The following AK5 variants were observed in gnomAD, a reference collection of about 807,000 sequenced individuals.
AK5 encodes the protein adenylate kinase 5, also known as adenylate kinase isoenzyme 5.
A neutral mutation model predicts 69.5 loss-of-function variants in AK5; 27 were observed. The observed-to-expected ratio is 0.39, with a 90% CI of 0.29 to 0.54. AK5 has a LOEUF of 0.54. Ranked by LOEUF, AK5 falls within the 20% of genes least tolerant of loss-of-function variation. The probability of loss-of-function intolerance (pLI) is 0.71; values close to 1 mark genes in which losing one functional copy is unlikely to be tolerated. For synonymous variants in AK5, 260 were observed against 244.4 expected, an observed-to-expected ratio of 1.06 and a Z score of -0.60; for missense variants, 531 against 700.4, an observed-to-expected ratio of 0.76 and a Z score of 2.73.
intron 6 of AK5, among the ~76,000 whole-genome samples, chr1:77,355,868 TACACACACAC>T (rs66682700): frequency 0.039 from 5,762 of 146,226 alleles, 168 homozygotes; most frequent in South Asian, 0.053. Flanking sequence ...CCTCATTAAA[TACACACACAC>T]ACACACACAC....
intron 10 of AK5, among the ~76,000 whole-genome samples, chr1:77,509,189 G>T (rs981264933): frequency 3.9e-5 from 6 of 152,122 alleles, no homozygotes; most frequent in African/African-American, 1.4e-4. Context: ...ACTATACACG[G>T]GCACTGATAA....
At chr1:77,379,399 A>G (rs555834784) in intron 6 of AK5, among the ~76,000 whole-genome samples, 1 of 152,256 alleles carries the variant, frequency 6.6e-6, no homozygotes, top group African/African-American at 2.4e-5. Flanking sequence ...GTGACAGCAG[A>G]ATTATTTATC....
At chr1:77,466,245 C>G (rs1654134344) in intron 8 of AK5, among the ~76,000 whole-genome samples, 1 of 152,154 alleles carries the variant, frequency 6.6e-6, no homozygotes, top group East Asian at 1.9e-4. Flanking sequence ...ACCCATTCAC[C>G]CTTCCTTTTC....
At chr1:77,534,137 C>T (rs1402976628) in intron 12 of AK5, among the ~76,000 whole-genome samples, 4 of 152,122 alleles carry the variant, frequency 2.6e-5, no homozygotes, top group Non-Finnish European at 5.9e-5. Context: ...TCCGTGTTGC[C>T]TAAACATCCT....
chr1:77,468,230 C>G (rs1228746845), intron 8 of AK5, among the ~76,000 whole-genome samples: 1 of 152,230 alleles, frequency 6.6e-6, no homozygotes, highest in Non-Finnish European at 1.5e-5. Context: ...TTTCCCTGTA[C>G]TCTCTTTCCT....
At chr1:77,421,325 A>G (rs543846333) in intron 8 of AK5, among the ~76,000 whole-genome samples, 2 of 152,328 alleles carry the variant, frequency 1.3e-5, no homozygotes, top group South Asian at 2.1e-4. Context: ...TCAAGGTCAC[A>G]TGGTTGGCAA....
chr1:77,311,576 A>G (rs991359129), intron 5 of AK5, among the ~76,000 whole-genome samples: 1 of 152,126 alleles, frequency 6.6e-6, no homozygotes, highest in Non-Finnish European at 1.5e-5. Context: ...ACACTCAATA[A>G]AAGAAAGTCG....
chr1:77,367,877 A>ATTATATATTATATGTTATATATATT (rs369372295), intron 6 of AK5, among the ~76,000 whole-genome samples: 2 of 14,206 alleles, frequency 1.4e-4, no homozygotes, highest in Non-Finnish European at 2.6e-4. Flanking sequence ...TGTGATATAT[A>ATTATATATTATATGTTATATATATT]ATATAAAATA....
At chr1:77,476,819 CT>C (rs1654963831) in intron 8 of AK5, among the ~76,000 whole-genome samples, 2 of 151,842 alleles carry the variant, frequency 1.3e-5, no homozygotes, top group African/African-American at 4.8e-5. Flanking sequence ...ATTGCACATG[CT>C]GAAAACACTC....
At chr1:77,392,318 G>A (rs186131080) in intron 6 of AK5, among the ~76,000 whole-genome samples, 2 of 152,136 alleles carry the variant, frequency 1.3e-5, no homozygotes, top group African/African-American at 4.8e-5. Flanking sequence ...TACATTTGAG[G>A]CCTTTTTAAT....
intron 12 of AK5, among the ~76,000 whole-genome samples, chr1:77,522,456 C>G (rs1163162548): frequency 6.6e-6 from 1 of 152,108 alleles, no homozygotes; most frequent in Non-Finnish European, 1.5e-5. Flanking sequence ...GAGGAGGGAG[C>G]AAGGGCACCA....
intron 8 of AK5, among the ~76,000 whole-genome samples, chr1:77,439,184 T>C (rs948721867): frequency 6.6e-6 from 1 of 152,196 alleles, no homozygotes; most frequent in African/African-American, 2.4e-5. Flanking sequence ...TTTGGGAATG[T>C]ACATTGCCAT....
chr1:77,365,548 G>A (rs906978250), intron 6 of AK5, among the ~76,000 whole-genome samples: 6 of 152,224 alleles, frequency 3.9e-5, no homozygotes, highest in Non-Finnish European at 8.8e-5. Flanking sequence ...GGGGTTGGGG[G>A]ATTGTTTCAG....
At position 77,493,799 on chromosome 1, in the gene AK5, A is replaced by G. The variant is rs149843261; in HGVS notation, c.1147+7447A>G. Among the ~76,000 whole-genome samples, 15 of 152,322 alleles carry G rather than the reference A, an allele frequency of 9.8e-5. No individual in the cohort carries two copies. The East Asian group carries it at 2.5e-3, about 25-fold the overall frequency. On this transcript the variant is annotated intron_variant, in intron 10 of 13. Coordinates refer to ENST00000354567, the MANE Select transcript of AK5 (RefSeq NM_174858.3). ...GAGACATTGGACTACTTTCCAAGAGACCCTCAAATGCATTTACCAACTAAT... is the reference window on the plus strand; with the variant it reads ...GAGACATTGGACTACTTTCCAAGAGGCCCTCAAATGCATTTACCAACTAAT...
chr1:77,484,378 T>A (rs1243224180), intron 9 of AK5, among the ~76,000 whole-genome samples: 10 of 152,146 alleles, frequency 6.6e-5, no homozygotes, highest in Admixed American at 6.5e-4. Flanking sequence ...TCTAAACACA[T>A]ATAAGTAAGT....
At chr1:77,378,179 G>A (rs1647367889) in intron 6 of AK5, among the ~76,000 whole-genome samples, 1 of 152,104 alleles carries the variant, frequency 6.6e-6, no homozygotes, top group African/African-American at 2.4e-5. Flanking sequence ...TCCATGTAGG[G>A]TGTTATGAAA....
intron 8 of AK5, among the ~76,000 whole-genome samples, chr1:77,445,296 T>G (rs1418978897): frequency 1.3e-5 from 2 of 152,176 alleles, no homozygotes; most frequent in East Asian, 3.9e-4. Flanking sequence ...CCAACACTTG[T>G]TATGTTGTCT....
At chr1:77,426,888 G>C (rs1651244534) in intron 8 of AK5, among the ~76,000 whole-genome samples, 1 of 151,936 alleles carries the variant, frequency 6.6e-6, no homozygotes, top group African/African-American at 2.4e-5. Flanking sequence ...AATAACACTT[G>C]GGTCAAATAA....
chr1:77,505,608 T>C (rs1006880982), intron 10 of AK5, among the ~76,000 whole-genome samples: 1 of 152,144 alleles, frequency 6.6e-6, no homozygotes, highest in Non-Finnish European at 1.5e-5. Context: ...GGTGCACACC[T>C]GTAATCCCGG....
Sources: allele counts gnomAD v4.1 joint callset (sites outside exome capture counted in the v4.1 genomes callset), GRCh38; gene constraint gnomAD v4.1.1; transcripts MANE v1.5; gene names NCBI Gene and HGNC (gene_info 2026-07-23, HGNC 2026-07-21).